Variants in FBXL17 observed in about 807,000 individuals in gnomAD.
FBXL17 encodes F-box and leucine rich repeat protein 17.
A neutral mutation model predicts 66.2 loss-of-function variants in FBXL17; 22 were observed. The observed-to-expected ratio is 0.33, with a 90% CI of 0.24 to 0.47. FBXL17 has a LOEUF of 0.47. Among genes scored for constraint, FBXL17 ranks in the 20% least tolerant of loss-of-function variants. The probability of loss-of-function intolerance (pLI) is 1.00; values close to 1 mark genes in which losing one functional copy is unlikely to be tolerated. For synonymous variants in FBXL17, 474 were observed against 400.5 expected, an observed-to-expected ratio of 1.18 and a Z score of -2.19; for missense variants, 878 against 948.2, an observed-to-expected ratio of 0.93 and a Z score of 0.97.
chr5:107,974,406 G>A (rs1240679874), intron 7 of FBXL17, among the ~76,000 whole-genome samples: 1 of 151,946 alleles, frequency 6.6e-6, no homozygotes, highest in Admixed American at 6.6e-5. Flanking sequence ...AAAAGAGTAA[G>A]GCAATTATGT....
chr5:108,066,215 T>C (rs993725156), intron 6 of FBXL17, among the ~76,000 whole-genome samples: 1 of 152,174 alleles, frequency 6.6e-6, no homozygotes, highest in African/African-American at 2.4e-5. Context: ...TAAGAGATTA[T>C]TCAAACTCAG....
At chr5:108,303,466 C>A (rs1047989499) in intron 4 of FBXL17, among the ~76,000 whole-genome samples, 5 of 151,560 alleles carry the variant, frequency 3.3e-5, no homozygotes, top group African/African-American at 1.2e-4. Context: ...AGACTACAGG[C>A]AAATAAAGAC....
intron 4 of FBXL17, among the ~76,000 whole-genome samples, chr5:108,334,699 T>C (rs918518276): frequency 9.9e-5 from 15 of 152,174 alleles, no homozygotes; most frequent in Admixed American, 5.9e-4. Context: ...AAAATACATA[T>C]TCAACAAGTG....
chr5:108,218,096 C>T (rs1485628501), intron 5 of FBXL17, among the ~76,000 whole-genome samples: 1 of 150,424 alleles, frequency 6.6e-6, no homozygotes, highest in Non-Finnish European at 1.5e-5. Context: ...AGCTCCACCT[C>T]CCGGGTTCAC....
At chr5:107,951,386 G>A (rs1002004695) in intron 7 of FBXL17, among the ~76,000 whole-genome samples, 3 of 151,454 alleles carry the variant, frequency 2.0e-5, no homozygotes, top group South Asian at 4.2e-4. Context: ...TTCAGCAACC[G>A]TCACATTGGC....
At chr5:108,253,997 G>A (rs184056643) in intron 4 of FBXL17, among the ~76,000 whole-genome samples, 2 of 152,090 alleles carry the variant, frequency 1.3e-5, no homozygotes, top group East Asian at 3.9e-4. Flanking sequence ...AAAAGAAACT[G>A]TAAAGAGGTA....
At chr5:107,893,154 A>T (rs1005780569) in intron 7 of FBXL17, among the ~76,000 whole-genome samples, 2 of 152,146 alleles carry the variant, frequency 1.3e-5, no homozygotes, top group Non-Finnish European at 2.9e-5. Flanking sequence ...TAGAAAAAGA[A>T]AGCACAAGAG....
At chr5:108,316,480 CA>C (rs1286344273) in intron 4 of FBXL17, among the ~76,000 whole-genome samples, 1 of 151,376 alleles carries the variant, frequency 6.6e-6, no homozygotes, top group African/African-American at 2.4e-5. Flanking sequence ...CAACATTGTA[CA>C]GAACCTTAAC....
chr5:108,170,405 G>A (rs1221895713), intron 6 of FBXL17, among the ~76,000 whole-genome samples: 2 of 152,094 alleles, frequency 1.3e-5, no homozygotes, highest in African/African-American at 4.8e-5. Context: ...GTTTATGGAT[G>A]TACTGTCACT....
At chr5:108,319,725 CTTTCACTT>C (rs1759531005) in intron 4 of FBXL17, among the ~76,000 whole-genome samples, 2 of 151,424 alleles carry the variant, frequency 1.3e-5, no homozygotes, top group South Asian at 4.2e-4. Context: ...TTTTTGATAA[CTTTCACTT>C]TTTCAATTTA....
intron 4 of FBXL17, among the ~76,000 whole-genome samples, chr5:108,261,769 AG>A (rs1183714784): frequency 1.3e-5 from 2 of 150,710 alleles, no homozygotes; most frequent in African/African-American, 4.8e-5. Flanking sequence ...CTTAAAAAAA[AG>A]AAAAAAACAA....
Position 107,859,393 on chromosome 5 carries a change from T to G in FBXL17, c.*2327A>C, listed in dbSNP as rs1311707599. The G allele has an allele frequency of 2.8e-5, 2 of 70,924 alleles. No homozygotes were observed. Among genetic ancestry groups the G allele is most frequent in the East Asian group, 4.9e-4 (1 of 2,042 alleles). The allele number at this position is 70,924 out of a possible 1,614,324, so 4.4% of individuals were successfully genotyped here. On this transcript the variant is annotated 3_prime_UTR_variant, in exon 9 of 9. Transcript: ENST00000542267. ...AAGGTGATGCTTTTTTCTGGCTGTTTTTTTTTTTTTTTTTTTTTTTTTTTG... is the reference window on the plus strand; with the variant it reads ...AAGGTGATGCTTTTTTCTGGCTGTTGTTTTTTTTTTTTTTTTTTTTTTTTG...
intron 3 of FBXL17, among the ~76,000 whole-genome samples, chr5:108,351,154 A>T (rs961814660): frequency 6.6e-6 from 1 of 152,218 alleles, no homozygotes; most frequent in African/African-American, 2.4e-5. Context: ...TATTAATTCC[A>T]ATGAAAACAA....
chr5:107,874,660 T>C (rs1748560635), intron 8 of FBXL17, among the ~76,000 whole-genome samples: 2 of 152,176 alleles, frequency 1.3e-5, no homozygotes, highest in Non-Finnish European at 2.9e-5. Flanking sequence ...CATATTTAAA[T>C]ACCGGAAAGG....
rs190801600 is a variant in FBXL17, at chr5:108,301,822, G to A, written c.1506+46577C>T. ...AGTTCAGCACATTAATCCCAAGAATGATAATTTCTATAAATTTTATAGATG... is the reference window on the plus strand; with the variant it reads ...AGTTCAGCACATTAATCCCAAGAATAATAATTTCTATAAATTTTATAGATG... On this transcript the variant is annotated intron_variant, in intron 4 of 8. Transcript: ENST00000542267. Among the ~76,000 whole-genome samples the A allele has an allele frequency of 5.6e-4, 85 of 151,704 alleles. 1 individual carries two copies. Among genetic ancestry groups the A allele is most frequent in the Admixed American group, 3.4e-3 (51 of 15,174 alleles).
At chr5:108,118,254 C>A (rs1344987860) in intron 6 of FBXL17, among the ~76,000 whole-genome samples, 1 of 152,162 alleles carries the variant, frequency 6.6e-6, no homozygotes, top group Non-Finnish European at 1.5e-5. Flanking sequence ...TCTTCAGATT[C>A]AAACCCAACT....
rs115826873 is a variant in FBXL17 at position 108,221,766 on chromosome 5, A to G, written c.1614+2355T>C. ...ATGAAAACATTGCCAGAATGCAAAT[A>G]TCATAAAATAAAAAGCATTAATTTT... is the stretch of plus-strand genomic sequence containing the variant. On this transcript the variant is annotated intron_variant, in intron 5 of 8. Transcript: ENST00000542267. 3.3e-3 allele frequency among the ~76,000 whole-genome samples: 506 copies of G among 152,332 alleles called. 2 individuals are homozygous for G. The highest frequency in any genetic ancestry group is 5.5e-3 in the Non-Finnish European group (371 of 68,028).
At chr5:107,923,151 G>A (rs894888821) in intron 7 of FBXL17, among the ~76,000 whole-genome samples, 1 of 151,940 alleles carries the variant, frequency 6.6e-6, no homozygotes, top group African/African-American at 2.4e-5. Context: ...AGGAGGAGAA[G>A]GAAAAAACAA....
At chr5:108,181,279 T>C (rs1474696151) in intron 6 of FBXL17, among the ~76,000 whole-genome samples, 1 of 152,182 alleles carries the variant, frequency 6.6e-6, no homozygotes, top group African/African-American at 2.4e-5. Flanking sequence ...AATAACCAGA[T>C]GTTTAATTTA....
Sources: allele counts gnomAD v4.1 joint callset (sites outside exome capture counted in the v4.1 genomes callset), GRCh38; gene constraint gnomAD v4.1.1; transcripts MANE v1.5; gene names NCBI Gene and HGNC (gene_info 2026-07-23, HGNC 2026-07-21).